Variants in ANPEP observed in about 807,000 individuals in gnomAD.
ANPEP encodes alanyl aminopeptidase, membrane.
Under a neutral mutation model 114.6 loss-of-function variants are expected in ANPEP, and 70 were observed. The observed-to-expected ratio is 0.61, with a 90% CI of 0.50 to 0.75. The LOEUF (loss-of-function observed/expected upper bound fraction) is 0.75, where lower values mean the gene tolerates loss of function less well. ANPEP is among the 30% of genes least tolerant of loss of function. ANPEP has a pLI of 0.00. For synonymous variants in ANPEP, 548 were observed against 522.3 expected (o/e 1.05, Z -0.67); for missense variants, 1,184 against 1,259.5 (o/e 0.94, Z 0.91).
At position 89,803,503 on chromosome 15, in the gene ANPEP, G is replaced by T; in HGVS notation, c.1442C>A (p.Ala481Asp). ...GCTGGAGAGCATCCTGAGGACTGAG[G>T]CGCCCTGGGGTGGGGGTGAGGGGGC... ...LFDAISYSKG[A>D]SVLRMLSSFL... Residue 481 changes from alanine to aspartate, a missense_variant, in exon 9 of 21, where the codon GCC (alanine) becomes GAC (aspartate). Transcript: ENST00000300060. The surrounding 1 kb of genome is among the most constrained non-coding windows in gnomAD (Gnocchi z 4.2). 1 of 1,607,234 alleles carries T rather than the reference G, an allele frequency of 6.2e-7. No homozygotes were observed.
At chr15:89,811,450 T>A (rs1894813492) in intron 1 of ANPEP, among the ~76,000 whole-genome samples, 1 of 151,790 alleles carries the variant, frequency 6.6e-6, no homozygotes, top group African/African-American at 2.4e-5. Context: ...ATCGAGACCA[T>A]CCTGGCTAAC....
At chr15:89,788,125 G>A (rs772013293) in intron 20 of ANPEP, among the ~76,000 whole-genome samples, 17 of 152,178 alleles carry the variant, frequency 1.1e-4, no homozygotes, top group Non-Finnish European at 2.4e-4. Flanking sequence ...CAGCAATTCC[G>A]CTCCTAGGTG....
In ANPEP at chr15:89,799,386, C is replaced by T; in HGVS notation, c.1953+40G>A. 5.0e-6 allele frequency: 8 copies of T among 1,614,116 alleles called. No individual in the cohort carries two copies. Among genetic ancestry groups the T allele is most frequent in the East Asian group, 2.2e-5 (1 of 44,886 alleles). ...GCAGGCCTTGCAGTCTGGTGCCTGT[C>T]CTGGGGCAGGGGGCAGGGCGAGGGG... On this transcript the variant is annotated intron_variant, in intron 13 of 20. Transcript: ENST00000300060. This position sits in a 1 kb window ranked among gnomAD's most constrained non-coding sequence, Gnocchi z 4.2.
In ANPEP at chr15:89,803,563, T is replaced by G. The variant is rs765995978; in HGVS notation, c.1438-56A>C. On this transcript the variant is annotated intron_variant, in intron 8 of 20. Coordinates refer to ENST00000300060, the MANE Select transcript of ANPEP (RefSeq NM_001150.3). This position sits in a 1 kb window ranked among gnomAD's most constrained non-coding sequence, Gnocchi z 4.2. ...GCTGTGCAGAGCCACCAGGACCCTGTGCCCCCAGACCCTGCCTTCAGTGAG... is the reference window on the plus strand; with the variant it reads ...GCTGTGCAGAGCCACCAGGACCCTGGGCCCCCAGACCCTGCCTTCAGTGAG... 1 of 1,602,988 alleles carries G rather than the reference T, an allele frequency of 6.2e-7. No individual in the cohort carries two copies.
chr15:89,804,171 GC>G (rs767210026), intron 6 of ANPEP, 81 bp downstream of exon 6: 1 of 1,590,654 alleles, frequency 6.3e-7, no homozygotes, highest in East Asian at 2.2e-5. Context: ...CTTCTCAGCA[GC>G]CCGGGGCAGA....
At chr15:89,809,664 C>A (rs942076461) in intron 1 of ANPEP, among the ~76,000 whole-genome samples, 1 of 152,212 alleles carries the variant, frequency 6.6e-6, no homozygotes, top group African/African-American at 2.4e-5. Context: ...CGGGCAGTGG[C>A]GGCTATGCTA....
rs765381140 is a variant in ANPEP, at chr15:89,803,653, G to A, written c.1431C>T (p.Tyr477=). The change falls in exon 8 of 21, where the codon TAC becomes TAT. Residue 477 remains tyrosine, a synonymous_variant. Transcript: ENST00000300060. The surrounding 1 kb of genome is among the most constrained non-coding windows in gnomAD (Gnocchi z 4.2). ...QISELFDAIS[Y]SKGASVLRML... Reference sequence around the variant, plus strand: ...CACGAGGAGCGGGCTGCACCTTGCTGTAGGAGATGGCGTCAAACAGCTCAC... The same window carrying A: ...CACGAGGAGCGGGCTGCACCTTGCTATAGGAGATGGCGTCAAACAGCTCAC... 54 of 1,611,310 alleles carry A rather than the reference G, an allele frequency of 3.4e-5. No individual in the cohort carries two copies. The Admixed American group carries it at 8.2e-4, about 24-fold the overall frequency.
At position 89,806,657 on chromosome 15, in the gene ANPEP, TC is replaced by T; in HGVS notation, c.-75del. The stretch of plus-strand genomic sequence containing the variant: ...GGAGCAGCCCCAGGCCGGGCTTATA[TC>T]CCCAAAGGGGAGGAGCCCCACAACA... On this transcript the variant is annotated 5_prime_UTR_variant, in exon 2 of 21. Coordinates refer to ENST00000300060, the MANE Select transcript of ANPEP (RefSeq NM_001150.3). The surrounding 1 kb of genome is among the most constrained non-coding windows in gnomAD (Gnocchi z 5.7). The T allele has an allele frequency of 6.8e-7, 1 of 1,462,130 alleles. No individual in the cohort carries two copies. The highest frequency in any genetic ancestry group is 2.5e-5 in the East Asian group (1 of 40,390). The allele number at this position is 1,462,130 out of a possible 1,614,324, so 90.6% of individuals were successfully genotyped here.
At chr15:89,804,761 A>T in intron 4 of ANPEP, 144 bp from the exon 5 acceptor site, 1 of 1,204,146 alleles carries the variant, frequency 8.3e-7, no homozygotes, top group East Asian at 2.4e-5. Flanking sequence ...AGGCCTGGTC[A>T]GCAGAGGGGA....
At chr15:89,804,079 G>A (rs1894655660) in intron 6 of ANPEP, 77 bp from the exon 7 acceptor site, 1 of 1,569,850 alleles carries the variant, frequency 6.4e-7, no homozygotes, top group African/African-American at 1.3e-5. Context: ...CCTCCCCAGG[G>A]CTGGCCATCT....
At chr15:89,795,431 T>C (rs1161744829) in intron 15 of ANPEP, among the ~76,000 whole-genome samples, 3 of 152,070 alleles carry the variant, frequency 2.0e-5, no homozygotes, top group Non-Finnish European at 4.4e-5. Flanking sequence ...AATCTTCCAA[T>C]ACTAGATGAT....
At chr15:89,804,142 C>A (rs1596168674) in intron 6 of ANPEP, 111 bp downstream of exon 6, 2 of 1,564,288 alleles carry the variant, frequency 1.3e-6, no homozygotes, top group East Asian at 4.5e-5. Flanking sequence ...TGCTGCCCTG[C>A]CAGGCGGCAC....
chr15:89,790,043 A>AGC (rs1233253022), intron 20 of ANPEP, among the ~76,000 whole-genome samples: 11 of 141,984 alleles, frequency 7.7e-5, no homozygotes, highest in Admixed American at 5.9e-4. Context: ...TGGGTGACAG[A>AGC]GCAAGACTCC....
intron 2 of ANPEP, 105 bp from the exon 3 acceptor site, chr15:89,805,568 C>T: frequency 6.9e-7 from 1 of 1,446,162 alleles, no homozygotes; most frequent in Admixed American, 2.4e-5. Context: ...GAAGGCTGCC[C>T]CAGCCTAACC....
chr15:89,805,048 C>G, intron 4 of ANPEP, 30 bp downstream of exon 4: 1 of 1,613,402 alleles, frequency 6.2e-7, no homozygotes, highest in South Asian at 1.1e-5. Context: ...GGCCAGCCCA[C>G]GTGAAGGAGA....
In ANPEP at chr15:89,804,291, G is replaced by T. The variant is rs112384629; in HGVS notation, c.1141C>A (p.Arg381=). The change falls in exon 6 of 21, where the codon CGG becomes AGG. Residue 381 remains arginine, a synonymous_variant. Coordinates refer to ENST00000300060, the MANE Select transcript of ANPEP (RefSeq NM_001150.3). ...PLSSSSSNKE[R]VVTVIAHELA... ...TCATGAGCAATCACAGTGACCACCC[G>T]CTCCTTGTTGCTGCTGGAGGAGGAC... 1.4e-5 allele frequency: 22 copies of T among 1,614,078 alleles called. No individual in the cohort carries two copies. In the African/African-American group the frequency reaches 2.0e-4, roughly 15 times the overall value.
At chr15:89,813,991 T>TTGG (rs796085758) in intron 1 of ANPEP, among the ~76,000 whole-genome samples, 3 of 111,710 alleles carry the variant, frequency 2.7e-5, no homozygotes, top group Admixed American at 8.2e-5. Flanking sequence ...ACCGCACTGC[T>TTGG]GGGGGGGGGG....
At position 89,801,625 on chromosome 15, in the gene ANPEP, G is replaced by A; in HGVS notation, c.1570-18C>T. The A allele has an allele frequency of 6.2e-7, 1 of 1,609,828 alleles. No individual in the cohort carries two copies. Among genetic ancestry groups the A allele is most frequent in the South Asian group, 1.1e-5 (1 of 90,938 alleles). ...TTCACAGCCTGTGGGTGGAGCGAGAGGGCGTGGCCATCAGTGGGACCCTCC... is the reference window on the plus strand; with the variant it reads ...TTCACAGCCTGTGGGTGGAGCGAGAAGGCGTGGCCATCAGTGGGACCCTCC... On this transcript the variant is annotated intron_variant, in intron 10 of 20. Transcript: ENST00000300060.
rs1894666158 is a variant in ANPEP, at chr15:89,804,477, G to C, written c.1024+14C>G. On this transcript the variant is annotated intron_variant, in intron 5 of 20. Coordinates refer to ENST00000300060, the MANE Select transcript of ANPEP (RefSeq NM_001150.3). ...CTCCATCCACTGCCTCCCTCCTCAA[G>C]GACCCCCACTCACCTGATTTTGGGA... 6.2e-7 allele frequency: 1 copy of C among 1,614,044 alleles called. No individual in the cohort carries two copies.
Sources: allele counts gnomAD v4.1 joint callset (sites outside exome capture counted in the v4.1 genomes callset), GRCh38; gene constraint gnomAD v4.1.1; non-coding constraint Gnocchi (gnomAD v3.1); transcripts MANE v1.5; gene names NCBI Gene and HGNC (gene_info 2026-07-23, HGNC 2026-07-21).